The following PSD3 variants were observed in gnomAD, a reference collection of about 807,000 sequenced individuals.
The protein encoded by PSD3 is PH and SEC7 domain-containing protein 3.
A neutral mutation model predicts 105.5 loss-of-function variants in PSD3; 49 were observed. That is an observed-to-expected ratio of 0.46 (90% CI 0.37 to 0.59). PSD3 has a LOEUF of 0.59. Among genes scored for constraint, PSD3 ranks in the 20% least tolerant of loss-of-function variants. The pLI, the probability that PSD3 is intolerant of heterozygous loss-of-function variation, is 0.00. For missense variants in PSD3, 1,561 were observed against 1,263.8 expected (o/e 1.24, Z -3.57); for synonymous variants, 557 against 457.8 (o/e 1.22, Z -2.77).
At chr8:18,587,951 A>G (rs569052091) in intron 12 of PSD3, among the ~76,000 whole-genome samples, 3 of 152,172 alleles carry the variant, frequency 2.0e-5, no homozygotes, top group African/African-American at 7.2e-5. Flanking sequence ...GCTTCCAACC[A>G]GGGGGACGGA....
At chr8:18,664,024 G>C (rs1478738629) in intron 9 of PSD3, among the ~76,000 whole-genome samples, 1 of 152,184 alleles carries the variant, frequency 6.6e-6, no homozygotes, top group African/African-American at 2.4e-5. Flanking sequence ...CTCCACATAA[G>C]ATGGTAAACT....
At chr8:18,996,353 T>C (rs1826079535) in intron 1 of PSD3, among the ~76,000 whole-genome samples, 1 of 151,976 alleles carries the variant, frequency 6.6e-6, no homozygotes, top group Non-Finnish European at 1.5e-5. Context: ...ATTGCATAAC[T>C]ATTAACAGAA....
intron 4 of PSD3, among the ~76,000 whole-genome samples, chr8:18,820,187 T>C (rs1303131471): frequency 3.6e-5 from 4 of 112,010 alleles, no homozygotes; most frequent in African/African-American, 1.3e-4. Flanking sequence ...TTTTTTTTTT[T>C]CTTGATTTTG....
intron 1 of PSD3, among the ~76,000 whole-genome samples, chr8:19,062,328 T>A (rs933969273): frequency 6.6e-6 from 1 of 152,178 alleles, no homozygotes; most frequent in Non-Finnish European, 1.5e-5. Flanking sequence ...GCAGTTGGGA[T>A]AGAAAGATGA....
At chr8:18,628,047 G>A (rs1806618559) in intron 11 of PSD3, among the ~76,000 whole-genome samples, 1 of 151,828 alleles carries the variant, frequency 6.6e-6, no homozygotes, top group Non-Finnish European at 1.5e-5. Flanking sequence ...GAAAAATGAA[G>A]TAAATGAAGA....
rs552473220 is a variant in PSD3, at chr8:19,003,118, A to T, written c.21+10445T>A. Among the ~76,000 whole-genome samples, 3 of 152,216 alleles carry T rather than the reference A, an allele frequency of 2.0e-5. No individual in the cohort carries two copies. The South Asian group carries it at 6.3e-4, about 32-fold the overall frequency. Reference sequence around the variant, plus strand: ...ACAGAGATGTTAAAATAACTTGCCCAAGGTGACACAGATAGAAGCAAATCA... The same window carrying T: ...ACAGAGATGTTAAAATAACTTGCCCTAGGTGACACAGATAGAAGCAAATCA... On this transcript the variant is annotated intron_variant, in intron 1 of 15. Transcript: ENST00000327040.
At chr8:19,021,359 G>C (rs1162773825) in intron 1 of PSD3, among the ~76,000 whole-genome samples, 2 of 152,190 alleles carry the variant, frequency 1.3e-5, no homozygotes, top group Middle Eastern at 3.4e-3. Context: ...AAGAGATAGT[G>C]CTATATGCCT....
chr8:19,020,221 T>C (rs551516174), intron 1 of PSD3, among the ~76,000 whole-genome samples: 5 of 152,226 alleles, frequency 3.3e-5, no homozygotes, highest in African/African-American at 1.2e-4. Context: ...ATATATGTGA[T>C]GTTATATGAT....
intron 11 of PSD3, among the ~76,000 whole-genome samples, chr8:18,628,815 G>C (rs1413383166): frequency 6.6e-6 from 1 of 151,638 alleles, no homozygotes; most frequent in Non-Finnish European, 1.5e-5. Context: ...AATTAAAGAA[G>C]TACAGCAAAC....
At chr8:18,946,459 T>C (rs774902158) in intron 1 of PSD3, among the ~76,000 whole-genome samples, 2 of 152,072 alleles carry the variant, frequency 1.3e-5, no homozygotes, top group Non-Finnish European at 2.9e-5. Flanking sequence ...CATGCACCCA[T>C]AGTCCCTACT....
chr8:18,898,997 C>G (rs931122672), intron 2 of PSD3, among the ~76,000 whole-genome samples: 8 of 152,136 alleles, frequency 5.3e-5, no homozygotes, highest in African/African-American at 1.9e-4. Context: ...AATCCTTCTT[C>G]CACTGTTTGC....
chr8:18,801,092 A>C, intron 7 of PSD3, 178 bp downstream of exon 7: 3 of 437,470 alleles, frequency 6.9e-6, no homozygotes, highest in Non-Finnish European at 1.2e-5. Context: ...TAAAAACAAA[A>C]CTCTAATTCC....
At chr8:18,961,368 A>G (rs1823905806) in intron 1 of PSD3, among the ~76,000 whole-genome samples, 1 of 152,214 alleles carries the variant, frequency 6.6e-6, no homozygotes, top group Admixed American at 6.5e-5. Flanking sequence ...GACAAGGAGG[A>G]CAAAAATAAC....
chr8:18,962,268 T>C (rs1054746602), intron 1 of PSD3, among the ~76,000 whole-genome samples: 23 of 151,350 alleles, frequency 1.5e-4, no homozygotes, highest in African/African-American at 5.3e-4. Flanking sequence ...GAAAGATAGG[T>C]CCATTGCAAT....
chr8:19,038,754 G>T (rs913505295), intron 1 of PSD3, among the ~76,000 whole-genome samples: 1 of 152,140 alleles, frequency 6.6e-6, no homozygotes, highest in Admixed American at 6.5e-5. Context: ...CTGGCCCTTA[G>T]ATCCCACACT....
intron 9 of PSD3, among the ~76,000 whole-genome samples, chr8:18,672,186 T>C (rs1166099807): frequency 6.6e-6 from 1 of 152,050 alleles, no homozygotes; most frequent in Non-Finnish European, 1.5e-5. Context: ...AAACATAAAT[T>C]TAAAGTGACC....
intron 8 of PSD3, among the ~76,000 whole-genome samples, chr8:18,798,507 T>C (rs1451436960): frequency 1.3e-5 from 2 of 152,184 alleles, no homozygotes; most frequent in Non-Finnish European, 2.9e-5. Flanking sequence ...AAGGAAATTA[T>C]GTGACTAGCA....
At chr8:18,734,420 T>C (rs1803996856) in intron 9 of PSD3, 1 of 152,216 alleles carries the variant, frequency 6.6e-6, no homozygotes, top group Non-Finnish European at 1.5e-5. Flanking sequence ...TTTTTCTTTT[T>C]TTAAATCATG....
chr8:18,651,653 G>C (rs1013643937), intron 10 of PSD3, among the ~76,000 whole-genome samples: 1 of 152,208 alleles, frequency 6.6e-6, no homozygotes, highest in Non-Finnish European at 1.5e-5. Context: ...ATAATGGGGT[G>C]TAGAAACTGC....
Sources: gnomAD v4.1 joint callset for allele counts (sites outside exome capture counted in the v4.1 genomes callset) on GRCh38, gnomAD v4.1.1 for gene constraint, MANE v1.5 for transcripts, NCBI Gene and HGNC (gene_info 2026-07-23, HGNC 2026-07-21) for gene names.